LOC400499: variants seen among roughly 807,000 people sequenced by gnomAD.
the LOC400499 span, chr16:11,478,566 G>A: frequency 5.0e-6 from 2 of 398,914 alleles, no homozygotes; most frequent in African/African-American, 4.1e-5. Flanking sequence ...CCAAGTTAAG[G>A]GGCCAGTGGT....
the LOC400499 span, among the ~76,000 whole-genome samples, chr16:11,427,083 C>T: frequency 3.6e-4 from 54 of 149,036 alleles, no homozygotes; most frequent in Middle Eastern, 0.011. Flanking sequence ...CTTGGCCAGG[C>T]GCAGTGGCTC....
chr16:11,398,290 G>GC, the LOC400499 span: 1 of 1,221,848 alleles, frequency 8.2e-7, no homozygotes, highest in South Asian at 4.2e-5. Flanking sequence ...CCTCACTGCT[G>GC]CCCCCTCACC....
At chr16:11,384,025 A>T in the LOC400499 span, 1 of 1,231,792 alleles carries the variant, frequency 8.1e-7, no homozygotes, top group African/African-American at 1.5e-5. Context: ...GGATGGATGC[A>T]AGACTCAGGC....
the LOC400499 span, among the ~76,000 whole-genome samples, chr16:11,484,063 A>C: frequency 8.8e-6 from 1 of 113,934 alleles, no homozygotes; most frequent in Non-Finnish European, 1.6e-5. Flanking sequence ...GCTGGAGTGC[A>C]GTGGCGTGAT....
chr16:11,374,773 GAACATCGGTGTATA>G, the LOC400499 span, among the ~76,000 whole-genome samples: 1 of 152,190 alleles, frequency 6.6e-6, no homozygotes, highest in Non-Finnish European at 1.5e-5. Flanking sequence ...ATGCTGCTAT[GAACATCGGTGTATA>G]AATGTGTGAG....
the LOC400499 span, among the ~76,000 whole-genome samples, chr16:11,467,985 A>G: frequency 6.6e-6 from 1 of 152,192 alleles, no homozygotes; most frequent in African/African-American, 2.4e-5. Context: ...AGACTATGGG[A>G]AGACAGAGAC....
At chr16:11,471,345 A>T in the LOC400499 span, 1 of 235,290 alleles carries the variant, frequency 4.3e-6, no homozygotes, top group Non-Finnish European at 8.1e-6. Context: ...GAACTGATTA[A>T]AAGGGAAGAA....
chr16:11,397,604 G>T, the LOC400499 span, among the ~76,000 whole-genome samples: 1 of 152,122 alleles, frequency 6.6e-6, no homozygotes, highest in Non-Finnish European at 1.5e-5. Flanking sequence ...ACAGCCGTAA[G>T]GATTCATTTA....
chr16:11,433,410 G>C, the LOC400499 span, among the ~76,000 whole-genome samples: 45 of 152,246 alleles, frequency 3.0e-4, no homozygotes, highest in African/African-American at 1.0e-3. Flanking sequence ...GGATTGCAGA[G>C]GAAATATTTA....
chr16:11,473,387 G>C, the LOC400499 span, among the ~76,000 whole-genome samples: 126 of 150,868 alleles, frequency 8.4e-4, no homozygotes, highest in African/African-American at 2.8e-3. Context: ...CCTATTATTT[G>C]GCACATTTAT....
chr16:11,395,117 A>T, the LOC400499 span, among the ~76,000 whole-genome samples: 10,528 of 152,230 alleles, frequency 0.069, 495 homozygotes, highest in Non-Finnish European at 0.11. Flanking sequence ...TGCAGACCAC[A>T]CGGAGTTGGC....
the LOC400499 span, among the ~76,000 whole-genome samples, chr16:11,427,107 C>T: frequency 6.6e-6 from 1 of 151,790 alleles, no homozygotes; most frequent in Non-Finnish European, 1.5e-5. Flanking sequence ...CCTGTAATCC[C>T]AGCACTTTGG....
At chr16:11,526,463 C>T in the LOC400499 span, among the ~76,000 whole-genome samples, 1 of 152,190 alleles carries the variant, frequency 6.6e-6, no homozygotes, top group Non-Finnish European at 1.5e-5. Context: ...CCTACTTTCT[C>T]AACTCTAAGT....
the LOC400499 span, chr16:11,449,100 G>T: frequency 6.9e-7 from 1 of 1,451,552 alleles, no homozygotes; most frequent in Non-Finnish European, 9.2e-7. Flanking sequence ...GACTGTCACT[G>T]TGGAAACCTG....
At chr16:11,385,906 G>A in the LOC400499 span, among the ~76,000 whole-genome samples, 14 of 152,138 alleles carry the variant, frequency 9.2e-5, no homozygotes, top group Non-Finnish European at 1.6e-4. Context: ...GCACGGCGGC[G>A]CTAAAAGCCA....
the LOC400499 span, chr16:11,439,480 C>T: frequency 3.0e-5 from 12 of 398,896 alleles, no homozygotes; most frequent in Admixed American, 1.3e-4. Context: ...AAGGGAGCAA[C>T]GTCCACACCT....
chr16:11,426,160 G>A, the LOC400499 span, among the ~76,000 whole-genome samples: 1 of 152,280 alleles, frequency 6.6e-6, no homozygotes, highest in South Asian at 2.1e-4. Context: ...AACTGGCCAG[G>A]CGCGGTGGCT....
chr16:11,492,733 G>A, the LOC400499 span, among the ~76,000 whole-genome samples: 581 of 151,904 alleles, frequency 3.8e-3, 7 homozygotes, highest in African/African-American at 0.013. Context: ...TGCAGTGAGC[G>A]GAGATGGTGA....
chr16:11,410,211 T>TG, the LOC400499 span, among the ~76,000 whole-genome samples: 1 of 152,190 alleles, frequency 6.6e-6, no homozygotes, highest in Non-Finnish European at 1.5e-5. Context: ...CCCAACACTT[T>TG]GGGAGGCCGA....
Sources: gnomAD v4.1 joint callset for allele counts (sites outside exome capture counted in the v4.1 genomes callset) on GRCh38, gnomAD v4.1.1 for gene constraint, MANE v1.5 for transcripts.